Variants in MMP2 observed in about 807,000 individuals in gnomAD.
MMP2 encodes 72 kDa type IV collagenase.
In MMP2, 39 loss-of-function variants were observed where a neutral mutation model predicts 74.8. That is an observed-to-expected ratio of 0.52 (90% CI 0.40 to 0.68). The LOEUF is 0.68. MMP2 is among the 30% of genes least tolerant of loss of function. The pLI, the probability that MMP2 is intolerant of heterozygous loss-of-function variation, is 0.00. For synonymous variants in MMP2, 367 were observed against 339.8 expected (o/e 1.08, Z -0.88); for missense variants, 803 against 878.3 (o/e 0.91, Z 1.08).
intron 9 of MMP2, 34 bp from the exon 10 acceptor site, chr16:55,496,892 A>G: frequency 6.2e-7 from 1 of 1,612,410 alleles, no homozygotes; most frequent in Non-Finnish European, 8.5e-7. Flanking sequence ...GTGACTGAAG[A>G]TGTGGTTTCC....
chr16:55,481,527 A>G (rs1315940718), intron 1 of MMP2: 7 of 278,714 alleles, frequency 2.5e-5, no homozygotes, highest in South Asian at 2.1e-4. Context: ...AATCAGTCCT[A>G]CCAACCTCCT....
At position 55,479,504 on chromosome 16, in the gene MMP2, G is replaced by C. The variant is rs1424115887; in HGVS notation, c.25G>C (p.Ala9Pro). ...GATGGAGGCGCTAATGGCCCGGGGC[G>C]CGCTCACGGGTCCCCTGAGGGCGCT... The part of the protein sequence containing the change: MEALMARG[A>P]LTGPLRALCL... Residue 9 changes from alanine (A) to proline (P), a missense_variant, in exon 1 of 13, where the codon GCG becomes CCG. This residue lies in a region of MMP2 where 223 missense variants were observed against 232.8 expected (regional missense o/e 0.96). Coordinates refer to ENST00000219070, the MANE Select transcript of MMP2 (RefSeq NM_004530.6). 2 of 1,592,840 alleles carry C rather than the reference G, an allele frequency of 1.3e-6. No individual in the cohort carries two copies. The highest frequency in any genetic ancestry group is 1.7e-6 in the Non-Finnish European group (2 of 1,170,182).
At chr16:55,483,268 A>C in intron 2 of MMP2, 133 bp downstream of exon 2, 1 of 674,320 alleles carries the variant, frequency 1.5e-6, no homozygotes, top group Non-Finnish European at 2.6e-6. Context: ...GGGAGTTTCA[A>C]TACACAGTTC....
Position 55,497,003 on chromosome 16 carries a change from C to A in MMP2, c.1550C>A (p.Pro517Gln). Residue 517 changes from proline (P) to glutamine (Q), a missense_variant, in exon 10 of 13, where the codon CCG becomes CAG. By Grantham distance (76) the Pro-to-Gln change is moderately conservative (BLOSUM62 -1). Transcript: ENST00000219070. ...GTGGCCACATTCTGGCCTGAGCTCC[C>A]GGAAAAGATTGATGCGGTATACGAG... ...LLVATFWPEL[P>Q]EKIDAVYEAP... The A allele has an allele frequency of 4.3e-6, 7 of 1,614,146 alleles. No individual in the cohort carries two copies. The highest frequency in any genetic ancestry group is 5.9e-6 in the Non-Finnish European group (7 of 1,180,038).
In MMP2 at chr16:55,479,530, C is replaced by T. The variant is rs41503347; in HGVS notation, c.51C>T (p.Leu17=). ...CGCTCACGGGTCCCCTGAGGGCGCT[C>T]TGTCTCCTGGGCTGCCTGCTGAGCC... is the stretch of plus-strand genomic sequence containing the variant. ...RGALTGPLRA[L]CLLGCLLSHA... The change falls in exon 1 of 13, where the codon CTC becomes CTT. Residue 17 remains leucine, a synonymous_variant. Transcript: ENST00000219070. 238 of 1,609,554 alleles carry T rather than the reference C, an allele frequency of 1.5e-4. 1 individual carries two copies. The East Asian group carries it at 3.3e-3, about 23-fold the overall frequency.
chr16:55,497,142 CCCCTCTCAAACCACAGTT>C, intron 10 of MMP2, 80 bp downstream of exon 10: 1 of 1,592,746 alleles, frequency 6.3e-7, no homozygotes, highest in Non-Finnish European at 8.6e-7. Context: ...AGGCTCACTC[CCCCTCTCAAACCACAGTT>C]CCTATGCACC....
chr16:55,479,358 G>T lies in MMP2; in HGVS notation c.-122G>T, dbSNP rs1192404913. The T allele has an allele frequency of 1.7e-6, 2 of 1,204,338 alleles. No homozygotes were observed. Among genetic ancestry groups the T allele is most frequent in the South Asian group, 2.4e-5 (1 of 42,308 alleles). The allele number at this position is 1,204,338 out of a possible 1,614,324, so 74.6% of individuals were successfully genotyped here. Reference sequence around the variant, plus strand: ...TGAGCCGGGCAAACCCCAGGCCACCGAGCCAGCGGACCCTCGGAGCGCAGC... The same window carrying T: ...TGAGCCGGGCAAACCCCAGGCCACCTAGCCAGCGGACCCTCGGAGCGCAGC... On this transcript the variant is annotated 5_prime_UTR_variant, in exon 1 of 13. Transcript: ENST00000219070.
Position 55,499,788 on chromosome 16 carries a change from C to T in MMP2, c.1769+1340C>T, listed in dbSNP as rs1348729732. 2.6e-5 allele frequency among the ~76,000 whole-genome samples: 4 copies of T among 152,198 alleles called. No homozygotes were observed. The South Asian group carries it at 8.3e-4, about 31-fold the overall frequency. On this transcript the variant is annotated intron_variant, in intron 11 of 12. Transcript: ENST00000219070. ...CTAACTGAGTACCCCCTCCACTATA[C>T]CTGCCAGTCCATTTGATTAGTGAGG...
At chr16:55,479,696 G>A in intron 1 of MMP2, 64 bp downstream of exon 1, 4 of 1,605,656 alleles carry the variant, frequency 2.5e-6, no homozygotes, top group South Asian at 2.2e-5. Flanking sequence ...AAGGATGGGG[G>A]TGTCTCTCCC....
upstream of MMP2, chr16:55,478,875 C>G (rs1298789758): frequency 6.6e-6 from 1 of 152,290 alleles, no homozygotes; most frequent in Non-Finnish European, 1.5e-5. Flanking sequence ...AGTAGTACCG[C>G]TGCTCTCTAA....
chr16:55,481,839 G>T (rs762690802), intron 1 of MMP2: 2 of 761,856 alleles, frequency 2.6e-6, no homozygotes, highest in Non-Finnish European at 4.9e-6. Context: ...CTATCTCAGG[G>T]TTAAAAGAGA....
At chr16:55,496,073 C>T (rs1366678036) in intron 9 of MMP2, among the ~76,000 whole-genome samples, 1 of 152,216 alleles carries the variant, frequency 6.6e-6, no homozygotes, top group East Asian at 1.9e-4. Context: ...ACCAGTAGTT[C>T]TCAAACCTTG....
rs1596825372 is a variant in MMP2, at chr16:55,498,505, C to A, written c.1769+57C>A. On this transcript the variant is annotated intron_variant, in intron 11 of 12. Coordinates refer to ENST00000219070, the MANE Select transcript of MMP2 (RefSeq NM_004530.6). ...CAGTTGGCTGCGAGAGACAGAGAAG[C>A]CGCCCTGAGGCTTCAAGCCTCCTGG... is the stretch of plus-strand genomic sequence containing the variant. 5.6e-6 allele frequency: 9 copies of A among 1,612,040 alleles called. No homozygotes were observed. The East Asian group carries it at 2.0e-4, about 36-fold the overall frequency.
At chr16:55,496,326 T>C (rs1438861139) in intron 9 of MMP2, among the ~76,000 whole-genome samples, 1 of 152,136 alleles carries the variant, frequency 6.6e-6, no homozygotes, top group Non-Finnish European at 1.5e-5. Flanking sequence ...GGCTGGATCA[T>C]AAATGTGGAG....
intron 2 of MMP2, 24 bp from the exon 3 acceptor site, chr16:55,483,992 C>T (rs768801340): frequency 6.2e-7 from 1 of 1,613,182 alleles, no homozygotes; most frequent in Non-Finnish European, 8.5e-7. Context: ...CATACACACT[C>T]ACATGCAGTT....
At chr16:55,502,392 T>C (rs1962688815) in intron 11 of MMP2, among the ~76,000 whole-genome samples, 1 of 152,256 alleles carries the variant, frequency 6.6e-6, no homozygotes, top group South Asian at 2.1e-4. Flanking sequence ...AGGCTCTGCA[T>C]GTGCTGTTTT....
At chr16:55,490,708 A>G (rs1208587163) in intron 7 of MMP2, among the ~76,000 whole-genome samples, 3 of 152,180 alleles carry the variant, frequency 2.0e-5, no homozygotes. Flanking sequence ...GGAACTTGGC[A>G]GATGTCAGTG....
At chr16:55,484,328 G>A (rs1280605302) in intron 3 of MMP2, among the ~76,000 whole-genome samples, 164 bp downstream of exon 3, 1 of 152,100 alleles carries the variant, frequency 6.6e-6, no homozygotes, top group Non-Finnish European at 1.5e-5. Flanking sequence ...ACAACACGGA[G>A]TGGACACTGG....
intron 9 of MMP2, 142 bp downstream of exon 9, chr16:55,493,435 C>A (rs115327456): frequency 8.6e-7 from 1 of 1,160,388 alleles, no homozygotes; most frequent in Non-Finnish European, 1.3e-6. Flanking sequence ...TGCTGTGTAT[C>A]AAACAACCTC....
Sources: gnomAD v4.1 joint callset for allele counts (sites outside exome capture counted in the v4.1 genomes callset) on GRCh38, gnomAD v4.1.1 for gene constraint, gnomAD v4.1.1 regional missense constraint, MANE v1.5 for transcripts, NCBI Gene and HGNC (gene_info 2026-07-23, HGNC 2026-07-21) for gene names.